The following PLXDC2 variants were observed in gnomAD, a reference collection of about 807,000 sequenced individuals.
PLXDC2 encodes the protein plexin domain containing 2, also known as plexin domain-containing protein 2.
PLXDC2 carries 40 observed loss-of-function variants against 68.9 expected under a neutral mutation model. The ratio of observed to expected loss-of-function variants is 0.58; its 90% confidence interval spans 0.45 to 0.76. The LOEUF (loss-of-function observed/expected upper bound fraction) is 0.76, where lower values mean the gene tolerates loss of function less well. Among genes scored for constraint, PLXDC2 ranks in the 30% least tolerant of loss-of-function variants. The pLI is 0.00. For synonymous variants in PLXDC2, 243 were observed against 234.2 expected, an observed-to-expected ratio of 1.04 and a Z score of -0.34; for missense variants, 644 against 661.9, an observed-to-expected ratio of 0.97 and a Z score of 0.30.
intron 13 of PLXDC2, among the ~76,000 whole-genome samples, chr10:20,270,912 T>A (rs1835929949): frequency 6.6e-6 from 1 of 150,458 alleles, no homozygotes; most frequent in Admixed American, 6.7e-5. Flanking sequence ...CAGGTTTGGT[T>A]TGAGCTGATG....
chr10:19,908,338 C>T (rs578259959), intron 1 of PLXDC2, among the ~76,000 whole-genome samples: 1 of 152,202 alleles, frequency 6.6e-6, no homozygotes, highest in African/African-American at 2.4e-5. Context: ...TATTTCTCTA[C>T]ATTGAGTGAG....
Position 20,164,542 on chromosome 10 carries a change from T to C in PLXDC2, c.858T>C (p.Val286=), listed in dbSNP as rs763967140. ...TCGGACTGTCCGATGCATTTGTCGT[T>C]GTCCACAGGATCCAACAAATTCCCA... The part of the protein sequence containing the change: ...VKVGLSDAFV[V]VHRIQQIPNV... Residue 286 remains valine (V), a synonymous_variant, in exon 7 of 14, where the codon GTT becomes GTC. Coordinates refer to ENST00000377252, the MANE Select transcript of PLXDC2 (RefSeq NM_032812.9). 6.2e-7 allele frequency: 1 copy of C among 1,613,278 alleles called. No individual in the cohort carries two copies. Among genetic ancestry groups the C allele is most frequent in the South Asian group, 1.1e-5 (1 of 91,076 alleles).
rs867190437 is a variant in PLXDC2, at chr10:20,044,227, T to G, written c.325-2642T>G. On this transcript the variant is annotated intron_variant, in intron 2 of 13. Transcript: ENST00000377252. ...TCTCTCTCTGTCTTTCTTTCTTTCT[T>G]TCTTTCTTTCTTTCTTTCTTTCTTT... Among the ~76,000 whole-genome samples the G allele has an allele frequency of 6.6e-3, 333 of 50,176 alleles. 12 individuals carry two copies. Among genetic ancestry groups the G allele is most frequent in the African/African-American group, 0.028 (260 of 9,234 alleles). 32.9% of individuals were successfully genotyped at this position (50,176 alleles called of 152,430 possible).
At chr10:20,199,623 A>T (rs901870343) in intron 9 of PLXDC2, among the ~76,000 whole-genome samples, 1 of 152,042 alleles carries the variant, frequency 6.6e-6, no homozygotes, top group Non-Finnish European at 1.5e-5. Flanking sequence ...AAGAATGAAT[A>T]TTTAATGAGG....
At chr10:19,904,447 C>G (rs1412701165) in intron 1 of PLXDC2, among the ~76,000 whole-genome samples, 1 of 152,048 alleles carries the variant, frequency 6.6e-6, no homozygotes, top group African/African-American at 2.4e-5. Context: ...GCCCACAGTC[C>G]CAAAAGCTGG....
intron 2 of PLXDC2, among the ~76,000 whole-genome samples, chr10:20,016,544 CA>C (rs1835214992): frequency 6.6e-6 from 1 of 152,064 alleles, no homozygotes; most frequent in African/African-American, 2.4e-5. Flanking sequence ...TTTTCTTCTG[CA>C]AAAGAATACA....
At chr10:19,955,402 GAA>G (rs1167521997) in intron 1 of PLXDC2, among the ~76,000 whole-genome samples, 1 of 151,740 alleles carries the variant, frequency 6.6e-6, no homozygotes, top group Non-Finnish European at 1.5e-5. Context: ...CCATTTCCGG[GAA>G]ATGCACCCTC....
intron 1 of PLXDC2, among the ~76,000 whole-genome samples, chr10:19,827,610 G>C (rs976035453): frequency 6.6e-6 from 1 of 150,488 alleles, no homozygotes; most frequent in Non-Finnish European, 1.5e-5. Flanking sequence ...GCCCAGGCTG[G>C]AGTGCAGTGG....
chr10:19,960,815 A>G (rs1371608378), intron 1 of PLXDC2, among the ~76,000 whole-genome samples: 1 of 152,198 alleles, frequency 6.6e-6, no homozygotes, highest in Non-Finnish European at 1.5e-5. Context: ...CAATATTGCT[A>G]TTTGCATAAT....
rs531046795 is a variant in PLXDC2, at chr10:20,193,580, A to G, written c.1061+16171A>G. ...AGAGAACATGAAGATTCAACACTATATATGCATTTTACATATGCTTACATA... is the reference window on the plus strand; with the variant it reads ...AGAGAACATGAAGATTCAACACTATGTATGCATTTTACATATGCTTACATA... On this transcript the variant is annotated intron_variant, in intron 9 of 13. Transcript: ENST00000377252. 3.9e-5 allele frequency among the ~76,000 whole-genome samples: 6 copies of G among 152,206 alleles called. No individual in the cohort carries two copies. In the South Asian group the frequency reaches 6.2e-4, roughly 16 times the overall value.
intron 10 of PLXDC2, among the ~76,000 whole-genome samples, chr10:20,212,929 A>G (rs1382982270): frequency 6.6e-6 from 1 of 152,152 alleles, no homozygotes; most frequent in Non-Finnish European, 1.5e-5. Flanking sequence ...AATGTTGAAA[A>G]TGAATATCTC....
chr10:20,231,383 T>A (rs1588532388), intron 12 of PLXDC2, among the ~76,000 whole-genome samples: 1 of 151,190 alleles, frequency 6.6e-6, no homozygotes, highest in East Asian at 2.0e-4. Flanking sequence ...AATACCAAAA[T>A]TTGTAGAATG....
At chr10:20,019,126 A>T (rs1166578508) in intron 2 of PLXDC2, among the ~76,000 whole-genome samples, 1 of 151,538 alleles carries the variant, frequency 6.6e-6, no homozygotes, top group Non-Finnish European at 1.5e-5. Context: ...TTTAAGAAAA[A>T]ATTTTTTAAA....
intron 4 of PLXDC2, among the ~76,000 whole-genome samples, chr10:20,102,275 A>C (rs1744967530): frequency 6.6e-6 from 1 of 152,228 alleles, no homozygotes; most frequent in African/African-American, 2.4e-5. Context: ...AACATCTTAC[A>C]TATATTGATT....
At chr10:19,868,963 A>AT (rs1282553991) in intron 1 of PLXDC2, among the ~76,000 whole-genome samples, 3 of 152,254 alleles carry the variant, frequency 2.0e-5, no homozygotes, top group Admixed American at 6.5e-5. Context: ...CTCGGTGATA[A>AT]TTTTTTTGTT....
At chr10:20,059,796 A>G (rs1836067628) in intron 3 of PLXDC2, among the ~76,000 whole-genome samples, 1 of 152,146 alleles carries the variant, frequency 6.6e-6, no homozygotes, top group African/African-American at 2.4e-5. Flanking sequence ...AAAATTCTAC[A>G]TGGTAAAAGC....
intron 1 of PLXDC2, among the ~76,000 whole-genome samples, chr10:19,910,591 C>CTTTTTT (rs1006322581): frequency 4.3e-5 from 4 of 92,556 alleles, no homozygotes; most frequent in South Asian, 3.8e-4. Flanking sequence ...TAAGTGGTTG[C>CTTTTTT]TTTTTTTTTT....
chr10:19,880,120 G>A (rs748012476), intron 1 of PLXDC2, among the ~76,000 whole-genome samples: 11 of 152,200 alleles, frequency 7.2e-5, no homozygotes, highest in African/African-American at 1.4e-4. Context: ...ACTCTTTGAC[G>A]TGTATTTACT....
chr10:20,032,657 G>T (rs1215891727), intron 2 of PLXDC2, among the ~76,000 whole-genome samples: 3 of 152,026 alleles, frequency 2.0e-5, no homozygotes, highest in African/African-American at 7.2e-5. Flanking sequence ...TGTGGAAGCG[G>T]AGAGAACATT....
Sources: allele counts gnomAD v4.1 joint callset (sites outside exome capture counted in the v4.1 genomes callset), GRCh38; gene constraint gnomAD v4.1.1; transcripts MANE v1.5; gene names NCBI Gene and HGNC (gene_info 2026-07-23, HGNC 2026-07-21).